Variants in BCL2L2 observed in about 807,000 individuals in gnomAD.
BCL2L2 encodes bcl-2-like protein 2.
BCL2L2 carries 6 observed loss-of-function variants against 14.6 expected under a neutral mutation model. The ratio of observed to expected loss-of-function variants is 0.41; its 90% CI spans 0.22 to 0.81. BCL2L2 has a LOEUF of 0.81. BCL2L2 is among the 30% of genes least tolerant of loss of function. The probability of loss-of-function intolerance (pLI) is 0.32; values close to 1 mark genes in which losing one functional copy is unlikely to be tolerated. For synonymous variants in BCL2L2, 90 were observed against 108.5 expected, an observed-to-expected ratio of 0.83 and a Z score of 1.06; for missense variants, 191 against 260.5, an observed-to-expected ratio of 0.73 and a Z score of 1.84.
chr14:23,311,018 T>C lies in BCL2L2; in HGVS notation c.*2053T>C. 7.8e-7 allele frequency: 1 copy of C among 1,289,516 alleles called. No homozygotes were observed. The highest frequency in any genetic ancestry group is 1.2e-5 in the South Asian group (1 of 81,024). The allele number at this position is 1,289,516 out of a possible 1,614,324, so 79.9% of individuals were successfully genotyped here. On this transcript the variant is annotated 3_prime_UTR_variant, in exon 4 of 4. Transcript: ENST00000250405. The stretch of plus-strand genomic sequence containing the variant: ...CCTACCCTCTACCACAGGACACATA[T>C]CCCTGTTAGCATTCCCCGGGACCTT...
Position 23,310,697 on chromosome 14 carries a change from C to G in BCL2L2, c.*1732C>G. 8.6e-7 allele frequency: 1 copy of G among 1,165,840 alleles called. No homozygotes were observed. The highest frequency in any genetic ancestry group is 1.1e-6 in the Non-Finnish European group (1 of 932,614). The allele number at this position is 1,165,840 out of a possible 1,614,324, so 72.2% of individuals were successfully genotyped here. ...TGGGGTGGGGGGTCTCTGACTTGCT[C>G]AGGACAAACTAGGCCAGTGGTTTTC... On this transcript the variant is annotated 3_prime_UTR_variant, in exon 4 of 4. Transcript: ENST00000250405.
Position 23,307,799 on chromosome 14 carries a change from G to T in BCL2L2, c.32G>T (p.Arg11Leu), listed in dbSNP as rs750337260. MATPASAPDT[R>L]ALVADFVGYK... Reference sequence around the variant, plus strand: ...ACCCCAGCCTCGGCCCCAGACACACGGGCTCTGGTGGCAGACTTTGTAGGT... The same window carrying T: ...ACCCCAGCCTCGGCCCCAGACACACTGGCTCTGGTGGCAGACTTTGTAGGT... The change falls in exon 3 of 4, where the codon CGG becomes CTG. Residue 11 changes from arginine to leucine, a missense_variant. Arg to Leu is a moderately radical substitution (Grantham distance 102). Coordinates refer to ENST00000250405, the MANE Select transcript of BCL2L2 (RefSeq NM_004050.5). 2 of 1,540,432 alleles carry T rather than the reference G, an allele frequency of 1.3e-6. No individual in the cohort carries two copies. The highest frequency in any genetic ancestry group is 1.7e-6 in the Non-Finnish European group (2 of 1,145,324).
chr14:23,308,139 G>C lies in BCL2L2; in HGVS notation c.372G>C (p.Glu124Asp). ...EMEPLVGQVQ[E>D]WMVAYLETQL... ...AACCACTGGTGGGACAAGTGCAGGA[G>C]TGGATGGTGGCCTACCTGGAGACGC... Residue 124 changes from glutamate (E) to aspartate (D), a missense_variant, in exon 3 of 4, where the codon GAG becomes GAC. Glu to Asp is a conservative substitution (Grantham distance 45). Coordinates refer to ENST00000250405, the MANE Select transcript of BCL2L2 (RefSeq NM_004050.5). This position sits in a 1 kb window ranked among gnomAD's most constrained non-coding sequence, Gnocchi z 5.4. 6.2e-7 allele frequency: 1 copy of C among 1,613,806 alleles called. No individual in the cohort carries two copies. The highest frequency in any genetic ancestry group is 8.5e-7 in the Non-Finnish European group (1 of 1,180,032).
rs1887386455 is a variant in BCL2L2 at position 23,308,333 on chromosome 14, A to G, written c.432+134A>G. The G allele has an allele frequency of 3.9e-6, 5 of 1,282,544 alleles. No individual in the cohort carries two copies. The highest frequency in any genetic ancestry group is 5.2e-6 in the Non-Finnish European group (5 of 961,068). The allele number at this position is 1,282,544 out of a possible 1,614,324, so 79.4% of individuals were successfully genotyped here. A position where few individuals can be genotyped will look rare whatever the true frequency, so the allele number is the denominator to read the frequency against. Reference sequence around the variant, plus strand: ...TACGGGGCTGAGTCTCCCCGTCTGGATGGAATTAGATTGAGAGATGCCTGG... The same window carrying G: ...TACGGGGCTGAGTCTCCCCGTCTGGGTGGAATTAGATTGAGAGATGCCTGG... On this transcript the variant is annotated intron_variant, in intron 3 of 3. Coordinates refer to ENST00000250405, the MANE Select transcript of BCL2L2 (RefSeq NM_004050.5). This position sits in a 1 kb window ranked among gnomAD's most constrained non-coding sequence, Gnocchi z 5.4.
At position 23,309,504 on chromosome 14, in the gene BCL2L2, G is replaced by A; in HGVS notation, c.*539G>A. 2 of 986,042 alleles carry A rather than the reference G, an allele frequency of 2.0e-6. No homozygotes were observed. Among genetic ancestry groups the A allele is most frequent in the Non-Finnish European group, 2.4e-6 (2 of 830,336 alleles). The allele number at this position is 986,042 out of a possible 1,614,324, so 61.1% of individuals were successfully genotyped here. A position where few individuals can be genotyped will look rare whatever the true frequency, so the allele number is the denominator to read the frequency against. On this transcript the variant is annotated 3_prime_UTR_variant, in exon 4 of 4. Coordinates refer to ENST00000250405, the MANE Select transcript of BCL2L2 (RefSeq NM_004050.5). ...TCTGGTGGTGATGGGATTCCTCAAG[G>A]AGAAAACATTCCCTCTTGCAATGGC...
chr14:23,310,824 A>G lies in BCL2L2; in HGVS notation c.*1859A>G, dbSNP rs2138432186. 3 of 1,216,894 alleles carry G rather than the reference A, an allele frequency of 2.5e-6. No individual in the cohort carries two copies. Among genetic ancestry groups the G allele is most frequent in the East Asian group, 5.7e-5 (1 of 17,566 alleles). The allele number at this position is 1,216,894 out of a possible 1,614,324, so 75.4% of individuals were successfully genotyped here. ...TGAGCAGGCTGGGCAATTTGCCCTCAAACAGAACAGCTCCCCTTGTAGCTG... is the reference window on the plus strand; with the variant it reads ...TGAGCAGGCTGGGCAATTTGCCCTCGAACAGAACAGCTCCCCTTGTAGCTG... On this transcript the variant is annotated 3_prime_UTR_variant, in exon 4 of 4. Transcript: ENST00000250405.
chr14:23,309,193 A>T lies in BCL2L2; in HGVS notation c.*228A>T. 5.8e-5 allele frequency: 45 copies of T among 777,884 alleles called. No individual in the cohort carries two copies. The highest frequency in any genetic ancestry group is 1.2e-4 in the East Asian group (1 of 8,612). 48.2% of individuals were successfully genotyped at this position (777,884 alleles called of 1,614,324 possible). On this transcript the variant is annotated 3_prime_UTR_variant, in exon 4 of 4. Transcript: ENST00000250405. ...TTTGGCAAGTTTAGGGGCACAGGAGATGTAGTCGTTCCAGGGCTGGGGGAG... is the reference window on the plus strand; with the variant it reads ...TTTGGCAAGTTTAGGGGCACAGGAGTTGTAGTCGTTCCAGGGCTGGGGGAG...
chr14:23,309,323 T>C lies in BCL2L2; in HGVS notation c.*358T>C, dbSNP rs1404476554. 1.4e-5 allele frequency: 15 copies of C among 1,055,136 alleles called. No homozygotes were observed. Among genetic ancestry groups the C allele is most frequent in the Non-Finnish European group, 1.7e-5 (15 of 875,416 alleles). The allele number at this position is 1,055,136 out of a possible 1,614,324, so 65.4% of individuals were successfully genotyped here. A position where few individuals can be genotyped will look rare whatever the true frequency, so the allele number is the denominator to read the frequency against. ...ACATAAGCAGCTGTATTCCATTAGA[T>C]GAGTGGGATTTAGGGAACGCAGAAG... On this transcript the variant is annotated 3_prime_UTR_variant, in exon 4 of 4. Coordinates refer to ENST00000250405, the MANE Select transcript of BCL2L2 (RefSeq NM_004050.5).
rs904522636 is a variant in BCL2L2, at chr14:23,308,818, G to A, written c.435G>A (p.Ala145=). ...ADWIHSSGGW[A]EFTALYGDGA... is the part of the protein sequence containing the mutation. ...CCTGCTTCCCTTCTCTCCCACAGGC[G>A]GAGTTCACAGCTCTATACGGGGACG... is the stretch of plus-strand genomic sequence containing the variant. The change falls in exon 4 of 4, where the codon GCG becomes GCA. Residue 145 remains alanine, a splice_region_variant and synonymous_variant. Coordinates refer to ENST00000250405, the MANE Select transcript of BCL2L2 (RefSeq NM_004050.5). This position sits in a 1 kb window ranked among gnomAD's most constrained non-coding sequence, Gnocchi z 5.4. The A allele has an allele frequency of 8.3e-6, 11 of 1,320,946 alleles. No individual in the cohort carries two copies. In the Admixed American group the frequency reaches 2.1e-4, roughly 26 times the overall value. The allele number at this position is 1,320,946 out of a possible 1,614,324, so 81.8% of individuals were successfully genotyped here.
At position 23,309,887 on chromosome 14, in the gene BCL2L2, T is replaced by C; in HGVS notation, c.*922T>C. ...GTGTTTCCAATCTCTGGGACCTCTG[T>C]ACCCAAACTGAAACTCTAAATTGGG... On this transcript the variant is annotated 3_prime_UTR_variant, in exon 4 of 4. Coordinates refer to ENST00000250405, the MANE Select transcript of BCL2L2 (RefSeq NM_004050.5). 1 of 985,474 alleles carries C rather than the reference T, an allele frequency of 1.0e-6. No homozygotes were observed. The highest frequency in any genetic ancestry group is 1.2e-6 in the Non-Finnish European group (1 of 829,948). 61.0% of individuals were successfully genotyped at this position (985,474 alleles called of 1,614,324 possible). A position where few individuals can be genotyped will look rare whatever the true frequency, so the allele number is the denominator to read the frequency against.
rs1227833706 is a variant in BCL2L2, at chr14:23,309,080, G to T, written c.*115G>T. 2.4e-6 allele frequency: 3 copies of T among 1,265,958 alleles called. 1 individual carries two copies. Among genetic ancestry groups the T allele is most frequent in the Non-Finnish European group, 3.0e-6 (3 of 998,794 alleles). The allele number at this position is 1,265,958 out of a possible 1,614,324, so 78.4% of individuals were successfully genotyped here. A position where few individuals can be genotyped will look rare whatever the true frequency, so the allele number is the denominator to read the frequency against. ...TGGATGGGTGGGCATGGAACAGGAT[G>T]GGCAGAGAAAGGGTAGTGTGTGAGG... On this transcript the variant is annotated 3_prime_UTR_variant, in exon 4 of 4. Coordinates refer to ENST00000250405, the MANE Select transcript of BCL2L2 (RefSeq NM_004050.5).
Position 23,310,905 on chromosome 14 carries a change from G to A in BCL2L2, c.*1940G>A. 2.3e-6 allele frequency: 3 copies of A among 1,288,920 alleles called. No individual in the cohort carries two copies. Among genetic ancestry groups the A allele is most frequent in the Non-Finnish European group, 3.0e-6 (3 of 988,290 alleles). 79.8% of individuals were successfully genotyped at this position (1,288,920 alleles called of 1,614,324 possible). On this transcript the variant is annotated 3_prime_UTR_variant, in exon 4 of 4. Coordinates refer to ENST00000250405, the MANE Select transcript of BCL2L2 (RefSeq NM_004050.5). ...TATTTGCATTAAGGGGTTTGCTGCT[G>A]AAAAAAAGTTGGAAAACCACTGACT...
chr14:23,309,771 G>A lies in BCL2L2; in HGVS notation c.*806G>A, dbSNP rs937429265. 3 of 985,452 alleles carry A rather than the reference G, an allele frequency of 3.0e-6. No homozygotes were observed. Among genetic ancestry groups the A allele is most frequent in the African/African-American group, 3.5e-5 (2 of 57,260 alleles). 61.0% of individuals were successfully genotyped at this position (985,452 alleles called of 1,614,324 possible). ...GCTGCCTCCTGGGCTCTGATAGAAG[G>A]GCAGGGCTGTTGAGCCTGGATGGGT... is the stretch of plus-strand genomic sequence containing the variant. On this transcript the variant is annotated 3_prime_UTR_variant, in exon 4 of 4. Coordinates refer to ENST00000250405, the MANE Select transcript of BCL2L2 (RefSeq NM_004050.5).
Position 23,309,958 on chromosome 14 carries a change from C to T in BCL2L2, c.*993C>T. 3 of 985,478 alleles carry T rather than the reference C, an allele frequency of 3.0e-6. No individual in the cohort carries two copies. Among genetic ancestry groups the T allele is most frequent in the Non-Finnish European group, 3.6e-6 (3 of 829,956 alleles). 61.0% of individuals were successfully genotyped at this position (985,478 alleles called of 1,614,324 possible). A position where few individuals can be genotyped will look rare whatever the true frequency, so the allele number is the denominator to read the frequency against. On this transcript the variant is annotated 3_prime_UTR_variant, in exon 4 of 4. Transcript: ENST00000250405. ...TGAGGTTGTGGGCATAAGTGCTGATCTAGAATACAGTCTGGGTCCCACACT... is the reference window on the plus strand; with the variant it reads ...TGAGGTTGTGGGCATAAGTGCTGATTTAGAATACAGTCTGGGTCCCACACT...
rs754056685 is a variant in BCL2L2 at position 23,311,129 on chromosome 14, G to A, written c.*2164G>A. ...TGACACCTGGGTGGAAAGAGAGGCT[G>A]TTTTCTGAAAGGGTAAAGGGCTTGG... On this transcript the variant is annotated 3_prime_UTR_variant, in exon 4 of 4. Transcript: ENST00000250405. 3 of 1,288,428 alleles carry A rather than the reference G, an allele frequency of 2.3e-6. No individual in the cohort carries two copies. The highest frequency in any genetic ancestry group is 3.0e-6 in the Non-Finnish European group (3 of 988,590). 79.8% of individuals were successfully genotyped at this position (1,288,428 alleles called of 1,614,324 possible).
Position 23,308,756 on chromosome 14 carries a change from C to A in BCL2L2, c.433-60C>A. ...CTCTTCCTCTCCTCTTCTCTCCACT[C>A]TTTCCTCTCCTGATATCCCTTTCTC... is the stretch of plus-strand genomic sequence containing the variant. On this transcript the variant is annotated intron_variant, in intron 3 of 3. Coordinates refer to ENST00000250405, the MANE Select transcript of BCL2L2 (RefSeq NM_004050.5). The surrounding 1 kb of genome is among the most constrained non-coding windows in gnomAD (Gnocchi z 5.4). 2.4e-6 allele frequency: 3 copies of A among 1,258,136 alleles called. No individual in the cohort carries two copies. The highest frequency in any genetic ancestry group is 3.1e-6 in the Non-Finnish European group (3 of 970,342). The allele number at this position is 1,258,136 out of a possible 1,614,324, so 77.9% of individuals were successfully genotyped here. A position where few individuals can be genotyped will look rare whatever the true frequency, so the allele number is the denominator to read the frequency against.
In BCL2L2 at chr14:23,307,929, G is replaced by T; in HGVS notation, c.162G>T (p.Glu54Asp). The change falls in exon 3 of 4, where the codon GAG becomes GAT. Residue 54 changes from glutamate (E) to aspartate (D), a missense_variant. Coordinates refer to ENST00000250405, the MANE Select transcript of BCL2L2 (RefSeq NM_004050.5). Reference protein sequence around the residue: ...QAMRAAGDEFETRFRRTFSDL... With the variant: ...QAMRAAGDEFDTRFRRTFSDL... ...TGCGGGCAGCTGGAGATGAGTTCGAGACCCGCTTCCGGCGCACCTTCTCTG... is the reference window on the plus strand; with the variant it reads ...TGCGGGCAGCTGGAGATGAGTTCGATACCCGCTTCCGGCGCACCTTCTCTG... The T allele has an allele frequency of 6.2e-7, 1 of 1,613,894 alleles. No homozygotes were observed. Among genetic ancestry groups the T allele is most frequent in the South Asian group, 1.1e-5 (1 of 91,062 alleles).
rs1217171311 is a variant in BCL2L2 at position 23,310,777 on chromosome 14, G to T, written c.*1812G>T. 5.0e-6 allele frequency: 6 copies of T among 1,195,962 alleles called. No individual in the cohort carries two copies. Among genetic ancestry groups the T allele is most frequent in the African/African-American group, 1.6e-5 (1 of 62,508 alleles). The allele number at this position is 1,195,962 out of a possible 1,614,324, so 74.1% of individuals were successfully genotyped here. ...TAGGGGTTGCCTCAGGAGTCCTTGG[G>T]GAGATGAAGGGGGTGGGGAGCTGAG... is the stretch of plus-strand genomic sequence containing the variant. On this transcript the variant is annotated 3_prime_UTR_variant, in exon 4 of 4. Coordinates refer to ENST00000250405, the MANE Select transcript of BCL2L2 (RefSeq NM_004050.5).
chr14:23,311,556 T>C lies in BCL2L2; in HGVS notation c.*2591T>C. On this transcript the variant is annotated 3_prime_UTR_variant, in exon 4 of 4. Transcript: ENST00000250405. ...ATTCTAGGGCACACAAACACTATTTTACTTTTTTAAAATCATAAAACGGCA... is the reference window on the plus strand; with the variant it reads ...ATTCTAGGGCACACAAACACTATTTCACTTTTTTAAAATCATAAAACGGCA... The C allele has an allele frequency of 2.0e-6, 2 of 986,512 alleles. No homozygotes were observed. The highest frequency in any genetic ancestry group is 2.4e-6 in the Non-Finnish European group (2 of 830,732). 61.1% of individuals were successfully genotyped at this position (986,512 alleles called of 1,614,324 possible).
Sources: gnomAD v4.1 joint callset for allele counts on GRCh38, gnomAD v4.1.1 for gene constraint, Gnocchi (gnomAD v3.1) non-coding constraint, MANE v1.5 for transcripts, NCBI Gene and HGNC (gene_info 2026-07-23, HGNC 2026-07-21) for gene names.